Variants in EVA1A observed in about 807,000 individuals in gnomAD.
EVA1A encodes eva-1 homolog A, regulator of programmed cell death.
In EVA1A, 7 loss-of-function variants were observed where a neutral mutation model predicts 9.8. That is an observed-to-expected ratio of 0.71 (90% CI 0.41 to 1.34). The LOEUF is 1.34. Ranked by LOEUF, EVA1A falls within the 40% of genes most tolerant of loss-of-function variation. The pLI is 0.01. For missense variants in EVA1A, 206 were observed against 205.9 expected, an observed-to-expected ratio of 1.00 and a Z score of 0.00; for synonymous variants, 90 against 85.6, an observed-to-expected ratio of 1.05 and a Z score of -0.28.
chr2:75,530,366 G>C (rs1243339852), intron 1 of EVA1A, among the ~76,000 whole-genome samples: 1 of 152,056 alleles, frequency 6.6e-6, no homozygotes, highest in Non-Finnish European at 1.5e-5. Flanking sequence ...TATTCCAAAA[G>C]ATAGAGAAAG....
intron 3 of EVA1A, among the ~76,000 whole-genome samples, chr2:75,494,538 C>T (rs1674139959): frequency 6.6e-6 from 1 of 152,176 alleles, no homozygotes; most frequent in Non-Finnish European, 1.5e-5. Flanking sequence ...GTCCAAGTGG[C>T]AAGGAACTAA....
At chr2:75,547,555 G>A (rs1676376532) in intron 1 of EVA1A, among the ~76,000 whole-genome samples, 1 of 152,200 alleles carries the variant, frequency 6.6e-6, no homozygotes, top group African/African-American at 2.4e-5. Context: ...CACACACCCA[G>A]AATACCCAAG....
At chr2:75,546,070 G>A (rs1056891073) in intron 1 of EVA1A, among the ~76,000 whole-genome samples, 9 of 152,174 alleles carry the variant, frequency 5.9e-5, no homozygotes, top group African/African-American at 1.9e-4. Flanking sequence ...GGAAGGGAAA[G>A]TGAGAGAGGA....
chr2:75,560,293 C>T (rs937475011), intron 1 of EVA1A, among the ~76,000 whole-genome samples: 4 of 152,166 alleles, frequency 2.6e-5, no homozygotes, highest in African/African-American at 9.7e-5. Context: ...GTCCGCCCCG[C>T]GCAGGCTTGG....
intron 1 of EVA1A, among the ~76,000 whole-genome samples, chr2:75,557,987 G>T (rs891801098): frequency 1.3e-5 from 2 of 152,242 alleles, no homozygotes; most frequent in African/African-American, 4.8e-5. Context: ...CCCGCATAGT[G>T]TAAAGAGTAT....
chr2:75,506,142 C>T (rs1674613085), intron 3 of EVA1A, among the ~76,000 whole-genome samples: 1 of 152,204 alleles, frequency 6.6e-6, no homozygotes, highest in African/African-American at 2.4e-5. Context: ...CCACAGTTTA[C>T]AAAAACTCCT....
chr2:75,549,009 T>TATA (rs1491197617), intron 1 of EVA1A, among the ~76,000 whole-genome samples: 20 of 53,098 alleles, frequency 3.8e-4, no homozygotes, highest in Admixed American at 1.1e-3. Context: ...TATATATATA[T>TATA]TTTTTTTTTT....
upstream of EVA1A, among the ~76,000 whole-genome samples, chr2:75,563,180 T>TCCCCC (rs372763129): frequency 1.3e-4 from 20 of 152,306 alleles, no homozygotes; most frequent in East Asian, 3.9e-3. Flanking sequence ...CCCCTACACT[T>TCCCCC]CAACAGATTT....
At chr2:75,543,036 T>C (rs1298278962) in intron 1 of EVA1A, among the ~76,000 whole-genome samples, 1 of 152,120 alleles carries the variant, frequency 6.6e-6, no homozygotes, top group Non-Finnish European at 1.5e-5. Context: ...TAAAAAATCA[T>C]GGAGACTGGC....
intron 3 of EVA1A, among the ~76,000 whole-genome samples, chr2:75,508,932 G>T (rs1674714879): frequency 6.6e-6 from 1 of 152,132 alleles, no homozygotes; most frequent in African/African-American, 2.4e-5. Flanking sequence ...TCTGAGGGGA[G>T]GAATGATACC....
At chr2:75,496,384 C>G (rs1358231722) in intron 3 of EVA1A, among the ~76,000 whole-genome samples, 1 of 152,028 alleles carries the variant, frequency 6.6e-6, no homozygotes, top group Non-Finnish European at 1.5e-5. Context: ...TTCTATGCAC[C>G]AACAATGTCC....
intron 1 of EVA1A, among the ~76,000 whole-genome samples, chr2:75,541,184 T>C (rs1676104575): frequency 6.6e-6 from 1 of 152,178 alleles, no homozygotes; most frequent in African/African-American, 2.4e-5. Context: ...TGCAGAGCTT[T>C]AAAACTGTCA....
intron 1 of EVA1A, among the ~76,000 whole-genome samples, chr2:75,523,088 G>A (rs991931791): frequency 6.6e-6 from 1 of 152,208 alleles, no homozygotes; most frequent in African/African-American, 2.4e-5. Context: ...GGAGCTCTGA[G>A]CATTGAGCTG....
chr2:75,540,802 G>A (rs1314460935), intron 1 of EVA1A: 1 of 152,138 alleles, frequency 6.6e-6, no homozygotes, highest in Admixed American at 6.5e-5. Flanking sequence ...TACGAATCAA[G>A]ATGCAGCTAG....
intron 1 of EVA1A, among the ~76,000 whole-genome samples, chr2:75,526,623 A>G (rs2103875876): frequency 6.6e-6 from 1 of 152,308 alleles, no homozygotes; most frequent in South Asian, 2.1e-4. Flanking sequence ...TTGAAACTAT[A>G]CTTTGCTAGA....
At chr2:75,553,393 T>C (rs535543638) in intron 1 of EVA1A, among the ~76,000 whole-genome samples, 3 of 152,352 alleles carry the variant, frequency 2.0e-5, no homozygotes, top group Admixed American at 2.0e-4. Flanking sequence ...ACAAGACATA[T>C]GTCCTGATTT....
intron 1 of EVA1A, among the ~76,000 whole-genome samples, chr2:75,559,714 A>AG (rs1676852769): frequency 5.4e-5 from 2 of 37,146 alleles, no homozygotes; most frequent in East Asian, 1.0e-3. Flanking sequence ...GGGGCGGGGG[A>AG]GTTGGGGGGA....
chr2:75,493,593 T>G lies in EVA1A; in HGVS notation c.102A>C (p.Ala34=), dbSNP rs756946305. Residue 34 remains alanine, a synonymous_variant, in exon 4 of 4, where the codon GCA becomes GCC. Transcript: ENST00000393913. ...YSFVSENPER[A]ALYFVSGVCI... The stretch of plus-strand genomic sequence containing the variant: ...ACACGCCAGAAACAAAGTACAGAGC[T>G]GCTCGCTCAGGATTTTCTGGAGGAA... The G allele has an allele frequency of 6.3e-7, 1 of 1,593,972 alleles. No homozygotes were observed. Among genetic ancestry groups the G allele is most frequent in the African/African-American group, 1.3e-5 (1 of 74,322 alleles).
At chr2:75,534,210 G>C (rs1014074140) in intron 1 of EVA1A, among the ~76,000 whole-genome samples, 3 of 152,074 alleles carry the variant, frequency 2.0e-5, no homozygotes, top group African/African-American at 4.8e-5. Flanking sequence ...CGGTACTCCA[G>C]CTTGGGCAAC....
Sources: gnomAD v4.1 joint callset for allele counts (sites outside exome capture counted in the v4.1 genomes callset) on GRCh38, gnomAD v4.1.1 for gene constraint, MANE v1.5 for transcripts, NCBI Gene and HGNC (gene_info 2026-07-23, HGNC 2026-07-21) for gene names.